The following CNOT2 variants were observed in gnomAD, a reference collection of about 807,000 sequenced individuals.
The protein encoded by CNOT2 is CC chemokine receptor 4-negative regulator of transcription 2.
A neutral mutation model predicts 72.1 loss-of-function variants in CNOT2; 7 were observed. The ratio of observed to expected loss-of-function variants is 0.10; its 90% CI spans 0.06 to 0.18. CNOT2 has a LOEUF of 0.18. Ranked by LOEUF, CNOT2 falls within the 10% of genes least tolerant of loss-of-function variation. CNOT2 has a pLI of 1.00. For synonymous variants in CNOT2, 196 were observed against 225.6 expected, an observed-to-expected ratio of 0.87 and a Z score of 1.17; for missense variants, 345 against 660.3, an observed-to-expected ratio of 0.52 and a Z score of 5.23.
At chr12:70,299,936 T>C (rs1873594588) in intron 2 of CNOT2, among the ~76,000 whole-genome samples, 1 of 152,248 alleles carries the variant, frequency 6.6e-6, no homozygotes, top group African/African-American at 2.4e-5. Flanking sequence ...TGAGATGGTA[T>C]CTCATTGTGG....
intron 6 of CNOT2, 197 bp from the exon 7 acceptor site, chr12:70,332,570 G>T (rs1880120417): frequency 2.6e-6 from 2 of 781,482 alleles, no homozygotes; most frequent in Non-Finnish European, 3.4e-6. Flanking sequence ...AAATGTTCTG[G>T]TTCTCATTTG....
chr12:70,258,869 G>A (rs917619299), intron 1 of CNOT2, among the ~76,000 whole-genome samples: 3 of 152,028 alleles, frequency 2.0e-5, no homozygotes, highest in Non-Finnish European at 4.4e-5. Context: ...TGAGAGAGAC[G>A]GATTCTTGAT....
At chr12:70,335,654 G>A in intron 8 of CNOT2, 91 bp downstream of exon 8, 1 of 929,654 alleles carries the variant, frequency 1.1e-6, no homozygotes, top group Non-Finnish European at 1.7e-6. Context: ...ATATGCTTGT[G>A]TGTGTACACA....
At chr12:70,335,699 T>C (rs1880585866) in intron 8 of CNOT2, 136 bp downstream of exon 8, 1 of 581,518 alleles carries the variant, frequency 1.7e-6, no homozygotes, top group African/African-American at 1.9e-5. Flanking sequence ...GTTAGTGTAA[T>C]TTTTTCAGAA....
intron 11 of CNOT2, among the ~76,000 whole-genome samples, chr12:70,339,074 GTGTA>G (rs1369073245): frequency 1.5e-5 from 2 of 129,154 alleles, no homozygotes; most frequent in African/African-American, 6.7e-5. Context: ...ATATGTGTGT[GTGTA>G]TATATATATA....
intron 1 of CNOT2, among the ~76,000 whole-genome samples, chr12:70,272,619 A>G (rs1158275642): frequency 6.6e-6 from 1 of 151,970 alleles, no homozygotes; most frequent in African/African-American, 2.4e-5. Flanking sequence ...AATACTCACA[A>G]CTTTTGGTTA....
At chr12:70,251,044 T>C (rs1958119770) in intron 1 of CNOT2, among the ~76,000 whole-genome samples, 1 of 152,124 alleles carries the variant, frequency 6.6e-6, no homozygotes, top group Admixed American at 6.6e-5. Flanking sequence ...GAAAATGACA[T>C]AGGAAAGCAA....
intron 6 of CNOT2, chr12:70,331,074 A>G (rs1879865977): frequency 6.6e-6 from 1 of 151,980 alleles, no homozygotes; most frequent in African/African-American, 2.4e-5. Context: ...CTGTTTGGGT[A>G]ATTTGTATGA....
chr12:70,254,908 G>A (rs944843824), intron 1 of CNOT2, among the ~76,000 whole-genome samples: 1 of 151,290 alleles, frequency 6.6e-6, no homozygotes, highest in Non-Finnish European at 1.5e-5. Flanking sequence ...TTGAACCTGG[G>A]AGGCGGAGGT....
intron 1 of CNOT2, among the ~76,000 whole-genome samples, chr12:70,265,641 C>G (rs1480436207): frequency 2.0e-5 from 3 of 151,072 alleles, no homozygotes; most frequent in African/African-American, 7.3e-5. Context: ...GTGTTTTTTC[C>G]TCTCATCTTT....
At chr12:70,329,367 A>G in intron 4 of CNOT2, 56 bp from the exon 5 acceptor site, 1 of 1,456,766 alleles carries the variant, frequency 6.9e-7, no homozygotes, top group Non-Finnish European at 9.6e-7. Context: ...CAGAAGATGG[A>G]TAACAATTTC....
chr12:70,269,772 A>G (rs1959181465), intron 1 of CNOT2, among the ~76,000 whole-genome samples: 1 of 152,186 alleles, frequency 6.6e-6, no homozygotes, highest in South Asian at 2.1e-4. Flanking sequence ...TTAAAGCTCT[A>G]GCTTTTTTAC....
chr12:70,285,722 A>G (rs900720843), intron 2 of CNOT2: 5 of 152,170 alleles, frequency 3.3e-5, no homozygotes, highest in Admixed American at 6.5e-5. Flanking sequence ...CAATATAAGC[A>G]GATGAGAACT....
At chr12:70,338,194 G>T in intron 9 of CNOT2, 1 of 316,864 alleles carries the variant, frequency 3.2e-6, no homozygotes, top group Non-Finnish European at 5.7e-6. Flanking sequence ...TGTGACTGAA[G>T]ATCTGAGATA....
intron 15 of CNOT2, among the ~76,000 whole-genome samples, chr12:70,350,744 C>T (rs1197495558): frequency 6.6e-6 from 1 of 152,044 alleles, no homozygotes; most frequent in Non-Finnish European, 1.5e-5. Flanking sequence ...GGTCCCATCC[C>T]CAAGATACCT....
intron 2 of CNOT2, among the ~76,000 whole-genome samples, chr12:70,305,873 G>GTTTTTTTTTTTTTTTTTTTTTTTTTT (rs11412509): frequency 3.3e-5 from 2 of 60,106 alleles, no homozygotes; most frequent in Non-Finnish European, 3.0e-5. Flanking sequence ...TCTGAAGTTT[G>GTTTTTTTTTTTTTTTTTTTTTTTTTT]TTTTTTTTTT....
rs1593279856 is a variant in CNOT2, at chr12:70,342,476, A to G, written c.1290+169A>G. 1.2e-5 allele frequency: 9 copies of G among 769,716 alleles called. No homozygotes were observed. The East Asian group carries it at 2.5e-4, about 21-fold the overall frequency. 47.7% of individuals were successfully genotyped at this position (769,716 alleles called of 1,614,324 possible). A position where few individuals can be genotyped will look rare whatever the true frequency, so the allele number is the denominator to read the frequency against. ...ATGGTAAATGTTAGGACTGGTAAAA[A>G]ATAAAAATTCTTACATTTAACAACA... On this transcript the variant is annotated intron_variant, in intron 13 of 15. Transcript: ENST00000229195.
intron 2 of CNOT2, among the ~76,000 whole-genome samples, chr12:70,300,072 G>C (rs1448054338): frequency 1.3e-5 from 2 of 151,556 alleles, no homozygotes; most frequent in Non-Finnish European, 3.0e-5. Context: ...TGATGGGGTT[G>C]TTTTTTCTTG....
intron 13 of CNOT2, 38 bp downstream of exon 13, chr12:70,342,345 T>A: frequency 6.2e-7 from 1 of 1,605,034 alleles, no homozygotes; most frequent in Admixed American, 1.7e-5. Flanking sequence ...TCAGCATGAA[T>A]TTATCTATTT....
Sources: allele counts gnomAD v4.1 joint callset (sites outside exome capture counted in the v4.1 genomes callset), GRCh38; gene constraint gnomAD v4.1.1; transcripts MANE v1.5; gene names NCBI Gene and HGNC (gene_info 2026-07-23, HGNC 2026-07-21).